KLHL22: variants seen among roughly 807,000 people sequenced by gnomAD.
KLHL22 encodes kelch-like protein 22.
In KLHL22, 18 loss-of-function variants were observed where a neutral mutation model predicts 60.7. The ratio of observed to expected loss-of-function variants is 0.30; its 90% CI spans 0.20 to 0.44. The LOEUF (loss-of-function observed/expected upper bound fraction) is 0.44. Ranked by LOEUF, KLHL22 falls within the 20% of genes least tolerant of loss-of-function variation. KLHL22 has a pLI of 1.00. For synonymous variants in KLHL22, 355 were observed against 354.5 expected (o/e 1.00, Z -0.01); for missense variants, 596 against 852.3 (o/e 0.70, Z 3.74).
In KLHL22 at chr22:20,465,038, G is replaced by T; in HGVS notation, c.932C>A (p.Ser311Tyr). 6.2e-7 allele frequency: 1 copy of T among 1,611,554 alleles called. No homozygotes were observed. The highest frequency in any genetic ancestry group is 1.1e-5 in the South Asian group (1 of 90,844). Reference protein sequence around the residue: ...VGFGGIHSTPSTVLSDQAKYL... With the variant: ...VGFGGIHSTPYTVLSDQAKYL... Reference sequence around the variant, plus strand: ...CTTGGCCTGGTCGCTGAGGACAGTGGACGGCGTGGAGTGAATGCCCCCGAA... The same window carrying T: ...CTTGGCCTGGTCGCTGAGGACAGTGTACGGCGTGGAGTGAATGCCCCCGAA... Residue 311 changes from serine to tyrosine, a missense_variant, in exon 4 of 7, where the codon TCC (serine) becomes TAC (tyrosine). Transcript: ENST00000328879. The surrounding 1 kb of genome is among the most constrained non-coding windows in gnomAD (Gnocchi z 4.9).
intron 4 of KLHL22, among the ~76,000 whole-genome samples, chr22:20,463,250 C>G (rs1569131437): frequency 6.6e-6 from 1 of 152,168 alleles, no homozygotes; most frequent in Non-Finnish European, 1.5e-5. Flanking sequence ...ATCCTACTCT[C>G]AGACAGGAGT....
At chr22:20,477,375 G>A (rs939901414) in intron 2 of KLHL22, among the ~76,000 whole-genome samples, 1 of 151,576 alleles carries the variant, frequency 6.6e-6, no homozygotes, top group Admixed American at 6.6e-5. Context: ...GAGCAACACT[G>A]TGCCTCAAAA....
At chr22:20,475,535 C>T (rs1163324721) in intron 2 of KLHL22, among the ~76,000 whole-genome samples, 1 of 151,686 alleles carries the variant, frequency 6.6e-6, no homozygotes, top group Non-Finnish European at 1.5e-5. Flanking sequence ...TTCTAGATGG[C>T]AACTCTGTCG....
chr22:20,454,143 AT>A (rs2146190237), intron 5 of KLHL22, among the ~76,000 whole-genome samples: 1 of 152,148 alleles, frequency 6.6e-6, no homozygotes, highest in African/African-American at 2.4e-5. Flanking sequence ...AGCCTGGGCA[AT>A]ATGGTGAAAC....
At chr22:20,494,288 T>C (rs1428983740) in intron 1 of KLHL22, among the ~76,000 whole-genome samples, 1 of 152,212 alleles carries the variant, frequency 6.6e-6, no homozygotes, top group Non-Finnish European at 1.5e-5. Flanking sequence ...TGGGGTTCAC[T>C]GCAGTCTCAA....
intron 2 of KLHL22, among the ~76,000 whole-genome samples, chr22:20,485,836 T>C (rs165719): frequency 3.3e-5 from 5 of 151,478 alleles, no homozygotes; most frequent in East Asian, 2.0e-4. Flanking sequence ...CCACTGCACT[T>C]CAGCCTGGGG....
At chr22:20,491,789 C>A (rs2053695962) in intron 1 of KLHL22, 1 of 152,198 alleles carries the variant, frequency 6.6e-6, no homozygotes, top group Non-Finnish European at 1.5e-5. Flanking sequence ...CTCAGGGCCA[C>A]CCCCAACCCC....
At position 20,490,446 on chromosome 22, in the gene KLHL22, ACT is replaced by A. The variant is rs370614482; in HGVS notation, c.-33-1204_-33-1203del. ...CTGTAGTTCTGAATGAAAAAAACAC[ACT>A]GTTTTTCCTCTCCTCTTATACCACA... On this transcript the variant is annotated intron_variant, in intron 1 of 6. Transcript: ENST00000328879. Among the ~76,000 whole-genome samples the A allele has an allele frequency of 3.0e-3, 458 of 152,220 alleles. 1 individual carries two copies. Among genetic ancestry groups the A allele is most frequent in the African/African-American group, 0.01 (428 of 41,532 alleles).
At chr22:20,482,170 C>G (rs2146270408) in intron 2 of KLHL22, 1 of 152,398 alleles carries the variant, frequency 6.6e-6, no homozygotes, top group East Asian at 1.9e-4. Context: ...CCGGCCTATT[C>G]TCCCAAGTAG....
At chr22:20,467,197 T>G (rs1301619662) in intron 3 of KLHL22, among the ~76,000 whole-genome samples, 1 of 152,172 alleles carries the variant, frequency 6.6e-6, no homozygotes, top group African/African-American at 2.4e-5. Flanking sequence ...CCAGCAGGCT[T>G]GAACCCAAAC....
In KLHL22 at chr22:20,451,782, C is replaced by T. The variant is rs761108353; in HGVS notation, c.1306-5106G>A. 321 of 1,600,400 alleles carry T rather than the reference C, an allele frequency of 2.0e-4. 1 individual carries two copies. Among genetic ancestry groups the T allele is most frequent in the Non-Finnish European group, 2.5e-4 (291 of 1,168,440 alleles). ...GGGAAGTCGTGACATCCATGGGAAC[C>T]CAGCGCTGTGATGCTGGTGTGTGTG... On this transcript the variant is annotated intron_variant, in intron 5 of 6. Coordinates refer to ENST00000328879, the MANE Select transcript of KLHL22 (RefSeq NM_032775.4).
chr22:20,484,891 A>T (rs983375237), intron 2 of KLHL22, among the ~76,000 whole-genome samples: 3 of 151,912 alleles, frequency 2.0e-5, no homozygotes, highest in Admixed American at 2.0e-4. Context: ...CCACGCCACC[A>T]TGCCCAGCTA....
chr22:20,444,873 C>T (rs1368489805), intron 6 of KLHL22, among the ~76,000 whole-genome samples: 1 of 151,970 alleles, frequency 6.6e-6, no homozygotes, highest in African/African-American at 2.4e-5. Flanking sequence ...CAGCCTCAAC[C>T]TCCTGGGCTC....
intron 5 of KLHL22, among the ~76,000 whole-genome samples, chr22:20,455,631 G>T (rs1201798071): frequency 6.6e-6 from 1 of 152,140 alleles, no homozygotes; most frequent in African/African-American, 2.4e-5. Flanking sequence ...GCTCAAGTAG[G>T]AACTAACCCC....
intron 2 of KLHL22, 59 bp from the exon 3 acceptor site, chr22:20,471,574 G>C: frequency 1.9e-6 from 3 of 1,565,350 alleles, no homozygotes; most frequent in Non-Finnish European, 2.6e-6. Flanking sequence ...AGCCCATGTT[G>C]CCAAGAGTGA....
rs1472925500 is a variant in KLHL22, at chr22:20,465,633, GGA to G, written c.394-59_394-58del. Reference sequence around the variant, plus strand: ...GGCTGGTGAACAGCATCTGGGGGTGGGAGAGAGAATGATGGCAGAAATACGGG... The same window carrying G: ...GGCTGGTGAACAGCATCTGGGGGTGGGAGAGAATGATGGCAGAAATACGGG... On this transcript the variant is annotated intron_variant, in intron 3 of 6. Coordinates refer to ENST00000328879, the MANE Select transcript of KLHL22 (RefSeq NM_032775.4). The surrounding 1 kb of genome is among the most constrained non-coding windows in gnomAD (Gnocchi z 4.9). 3 of 877,998 alleles carry G rather than the reference GGA, an allele frequency of 3.4e-6. No homozygotes were observed. The highest frequency in any genetic ancestry group is 5.9e-6 in the Non-Finnish European group (3 of 510,022). The allele number at this position is 877,998 out of a possible 1,614,324, so 54.4% of individuals were successfully genotyped here. A position where few individuals can be genotyped will look rare whatever the true frequency, so the allele number is the denominator to read the frequency against.
Position 20,446,576 on chromosome 22 carries a change from C to T in KLHL22, c.1406G>A (p.Gly469Asp), listed in dbSNP as rs2052865984. 1 of 1,613,896 alleles carries T rather than the reference C, an allele frequency of 6.2e-7. No homozygotes were observed. The highest frequency in any genetic ancestry group is 1.3e-5 in the African/African-American group (1 of 74,936). The change falls in exon 6 of 7, where the codon GGC becomes GAC. Residue 469 changes from glycine to aspartate, a missense_variant. Gly to Asp is a moderately conservative substitution (Grantham distance 94). Coordinates refer to ENST00000328879, the MANE Select transcript of KLHL22 (RefSeq NM_032775.4). ...AGCCAGTGTGTGCCAAGTGTTGCTG[C>T]CTGGATCGTAGCAGTGTGTCTCTTT... Reference protein sequence around the residue: ...YLKETHCYDPGSNTWHTLADG... With the variant: ...YLKETHCYDPDSNTWHTLADG...
chr22:20,470,595 G>A (rs760489320), intron 3 of KLHL22, among the ~76,000 whole-genome samples: 15 of 152,202 alleles, frequency 9.9e-5, no homozygotes, highest in Middle Eastern at 3.2e-3. Context: ...GCTGCAGTGA[G>A]CTGTGATCGT....
At chr22:20,454,648 T>C (rs905148072) in intron 5 of KLHL22, among the ~76,000 whole-genome samples, 2 of 152,126 alleles carry the variant, frequency 1.3e-5, no homozygotes, top group Non-Finnish European at 2.9e-5. Context: ...AAAACCTTCC[T>C]GAAATTTTGA....
Sources: gnomAD v4.1 joint callset for allele counts (sites outside exome capture counted in the v4.1 genomes callset) on GRCh38, gnomAD v4.1.1 for gene constraint, Gnocchi (gnomAD v3.1) non-coding constraint, MANE v1.5 for transcripts, NCBI Gene and HGNC (gene_info 2026-07-23, HGNC 2026-07-21) for gene names.